GOLGA1: variants seen among roughly 807,000 people sequenced by gnomAD.
GOLGA1 encodes the protein golgin subfamily A member 1.
In GOLGA1, 63 loss-of-function variants were observed where a neutral mutation model predicts 119.7. The ratio of observed to expected loss-of-function variants is 0.53; its 90% CI spans 0.43 to 0.65. The LOEUF is 0.65. Ranked by LOEUF, GOLGA1 falls within the 30% of genes least tolerant of loss-of-function variation. The pLI is 0.00. For synonymous variants in GOLGA1, 318 were observed against 333.4 expected (o/e 0.95, Z 0.50); for missense variants, 798 against 912.8 (o/e 0.87, Z 1.62).
rs777727691 is a variant in GOLGA1, at chr9:124,912,076, C to G, written c.844-50G>C. On this transcript the variant is annotated intron_variant, in intron 10 of 22. Transcript: ENST00000373555. ...CTATACTAGAAGCCCTCTCTTCCTT[C>G]CTTCCTGCTTTCTTTTGGGCCATCA... The G allele has an allele frequency of 4.9e-5, 77 of 1,566,486 alleles. No individual in the cohort carries two copies. The South Asian group carries it at 8.7e-4, about 18-fold the overall frequency.
At chr9:124,925,413 T>C (rs1272176523) in intron 7 of GOLGA1, among the ~76,000 whole-genome samples, 1 of 151,866 alleles carries the variant, frequency 6.6e-6, no homozygotes, top group Non-Finnish European at 1.5e-5. Flanking sequence ...TTTTCTATAA[T>C]TCTTTCCTTA....
intron 3 of GOLGA1, among the ~76,000 whole-genome samples, chr9:124,936,752 G>A (rs1266898194): frequency 6.6e-6 from 1 of 152,148 alleles, no homozygotes; most frequent in Non-Finnish European, 1.5e-5. Context: ...TGTCCAGCCT[G>A]GAATCTTATA....
chr9:124,929,934 G>A (rs540958704), intron 4 of GOLGA1, among the ~76,000 whole-genome samples: 1 of 152,204 alleles, frequency 6.6e-6, no homozygotes, highest in East Asian at 1.9e-4. Context: ...CTTAGCTGGG[G>A]ACCTTAAGCA....
At chr9:124,943,463 G>A (rs1185620958), upstream of GOLGA1, 1 of 152,196 alleles carries the variant, frequency 6.6e-6, no homozygotes, top group Non-Finnish European at 1.5e-5. Flanking sequence ...CAGATTAGCA[G>A]CACTTGGATA....
At chr9:124,889,337 G>A (rs767003621) in intron 17 of GOLGA1, 34 bp from the exon 18 acceptor site, 32 of 1,609,156 alleles carry the variant, frequency 2.0e-5, no homozygotes, top group Admixed American at 1.3e-4. Flanking sequence ...GGCACTGTGA[G>A]CCCAGTGACT....
At chr9:124,915,437 C>A (rs1186253441) in intron 10 of GOLGA1, among the ~76,000 whole-genome samples, 2 of 152,190 alleles carry the variant, frequency 1.3e-5, no homozygotes. Flanking sequence ...TTAGTCTATA[C>A]AACTGGCCCT....
At chr9:124,902,011 C>G (rs1024310568) in intron 12 of GOLGA1, among the ~76,000 whole-genome samples, 7 of 152,242 alleles carry the variant, frequency 4.6e-5, no homozygotes, top group Non-Finnish European at 7.3e-5. Context: ...GCACTTGGCT[C>G]TCCAAGATGG....
chr9:124,884,127 T>G (rs537747956), intron 19 of GOLGA1, among the ~76,000 whole-genome samples: 11 of 151,962 alleles, frequency 7.2e-5, no homozygotes, highest in Middle Eastern at 6.8e-3. Context: ...TTCTCCCACC[T>G]CAGTCTCCTG....
chr9:124,884,796 A>AT (rs1185863778), intron 19 of GOLGA1, among the ~76,000 whole-genome samples: 3 of 152,060 alleles, frequency 2.0e-5, no homozygotes, highest in African/African-American at 4.8e-5. Context: ...GGTTTCCTGG[A>AT]TTTTCCTCAC....
rs916066008 is a variant in GOLGA1, at chr9:124,921,880, C to T, written c.574G>A (p.Glu192Lys). 1.9e-6 allele frequency: 3 copies of T among 1,612,040 alleles called. No individual in the cohort carries two copies. The African/African-American group carries it at 4.0e-5, about 22-fold the overall frequency. Reference protein sequence around the residue: ...SKIKHMLLKKEESLGKMEQEL... With the variant: ...SKIKHMLLKKKESLGKMEQEL... ...TGTTCCATTTTCCCTAGACTTTCTT[C>T]TTTTTTTAAAAGCTGACACAAAAAT... is the stretch of plus-strand genomic sequence containing the variant. The change falls in exon 9 of 23, where the codon GAA (glutamate) becomes AAA (lysine). Residue 192 changes from glutamate (E) to lysine (K), a missense_variant. Physicochemically the swap from Glu to Lys is moderately conservative, Grantham distance 56 (BLOSUM62 1). Transcript: ENST00000373555.
At position 124,889,219 on chromosome 9, in the gene GOLGA1, A is replaced by T; in HGVS notation, c.1685T>A (p.Val562Glu). The T allele has an allele frequency of 6.2e-7, 1 of 1,613,262 alleles. No homozygotes were observed. The highest frequency in any genetic ancestry group is 8.5e-7 in the Non-Finnish European group (1 of 1,179,818). ...CAGCAGGTCCTCCTGCTCCGCGACCACTGCAGCCTCCTCCGCCTTGAGGGT... is the reference window on the plus strand; with the variant it reads ...CAGCAGGTCCTCCTGCTCCGCGACCTCTGCAGCCTCCTCCGCCTTGAGGGT... ...LRTLKAEEAA[V>E]VAEQEDLLRL... Residue 562 changes from valine to glutamate, a missense_variant, in exon 18 of 23, where the codon GTG becomes GAG. Physicochemically the swap from Val to Glu is moderately radical, Grantham distance 121. Coordinates refer to ENST00000373555, the MANE Select transcript of GOLGA1 (RefSeq NM_002077.4).
intron 19 of GOLGA1, among the ~76,000 whole-genome samples, chr9:124,886,681 A>G (rs1278546979): frequency 6.6e-6 from 1 of 152,112 alleles, no homozygotes; most frequent in African/African-American, 2.4e-5. Flanking sequence ...GACGATTCCA[A>G]GAAAAAACGA....
At chr9:124,891,457 A>G (rs567880353) in intron 15 of GOLGA1, among the ~76,000 whole-genome samples, 2 of 152,362 alleles carry the variant, frequency 1.3e-5, no homozygotes, top group African/African-American at 4.8e-5. Context: ...AGGAAGAAAG[A>G]GACAAATCTA....
At chr9:124,945,259 A>G (rs1366557701), upstream of GOLGA1, 2 of 152,214 alleles carry the variant, frequency 1.3e-5, no homozygotes, top group Middle Eastern at 3.2e-3. Flanking sequence ...TAACTATTAA[A>G]AAGAATTTTT....
intron 10 of GOLGA1, among the ~76,000 whole-genome samples, chr9:124,920,238 G>C (rs937118041): frequency 6.6e-6 from 1 of 151,080 alleles, no homozygotes; most frequent in Non-Finnish European, 1.5e-5. Flanking sequence ...TCCCACCATA[G>C]CCTCCCAAAC....
At chr9:124,941,628 T>C (rs1831028222), upstream of GOLGA1, among the ~76,000 whole-genome samples, 1 of 152,136 alleles carries the variant, frequency 6.6e-6, no homozygotes. Flanking sequence ...GCCTGTCACC[T>C]ACTGTAGATG....
At chr9:124,889,351 T>G in intron 17 of GOLGA1, 48 bp from the exon 18 acceptor site, 2 of 1,606,752 alleles carry the variant, frequency 1.2e-6, no homozygotes. Flanking sequence ...AGTGACTCCA[T>G]GCTGCTTGGT....
chr9:124,926,398 A>G lies in GOLGA1; in HGVS notation c.432+311T>C, dbSNP rs117885368. Reference sequence around the variant, plus strand: ...ACACATGGTTCTTTCAGGGTTCCCCACTGGCTGAACCCAACCGGATGCCAG... The same window carrying G: ...ACACATGGTTCTTTCAGGGTTCCCCGCTGGCTGAACCCAACCGGATGCCAG... On this transcript the variant is annotated intron_variant, in intron 7 of 22. Transcript: ENST00000373555. 2.3e-4 allele frequency among the ~76,000 whole-genome samples: 35 copies of G among 152,298 alleles called. No individual in the cohort carries two copies. In the East Asian group the frequency reaches 6.7e-3, roughly 29 times the overall value.
At chr9:124,914,223 C>T (rs896966588) in intron 10 of GOLGA1, among the ~76,000 whole-genome samples, 13 of 152,174 alleles carry the variant, frequency 8.5e-5, no homozygotes, top group African/African-American at 2.7e-4. Flanking sequence ...GTAGGCTGGG[C>T]GTGGTGGCTC....
Sources: gnomAD v4.1 joint callset for allele counts (sites outside exome capture counted in the v4.1 genomes callset) on GRCh38, gnomAD v4.1.1 for gene constraint, MANE v1.5 for transcripts, NCBI Gene and HGNC (gene_info 2026-07-23, HGNC 2026-07-21) for gene names.